Variants in ATAD2 observed in about 807,000 individuals in gnomAD.
The protein encoded by ATAD2 is ATPase family AAA domain-containing protein 2.
In ATAD2, 62 loss-of-function variants were observed where a neutral mutation model predicts 168.9. The ratio of observed to expected loss-of-function variants is 0.37; its 90% CI spans 0.30 to 0.45. The LOEUF is 0.45. Ranked by LOEUF, ATAD2 falls within the 20% of genes least tolerant of loss-of-function variation. The pLI is 1.00. For missense variants in ATAD2, 1,419 were observed against 1,667.8 expected (o/e 0.85, Z 2.60); for synonymous variants, 613 against 571.6 (o/e 1.07, Z -1.03).
chr8:123,322,119 C>A (rs1346264926), intron 27 of ATAD2, among the ~76,000 whole-genome samples: 1 of 151,714 alleles, frequency 6.6e-6, no homozygotes, highest in Non-Finnish European at 1.5e-5. Flanking sequence ...ACCCGAGTAG[C>A]TAGGACTATG....
At chr8:123,359,169 A>C (rs932972703) in intron 11 of ATAD2, 52 bp downstream of exon 11, 1 of 1,355,642 alleles carries the variant, frequency 7.4e-7, no homozygotes, top group African/African-American at 1.5e-5. Context: ...GAACTACAAG[A>C]AGCAAGAATA....
chr8:123,342,727 T>C (rs1329854233), intron 19 of ATAD2, among the ~76,000 whole-genome samples: 3 of 152,222 alleles, frequency 2.0e-5, no homozygotes, highest in African/African-American at 7.2e-5. Context: ...TTGGAGGTTC[T>C]GTAATCAATT....
At chr8:123,367,208 A>G (rs1829006383) in intron 8 of ATAD2, among the ~76,000 whole-genome samples, 1 of 151,964 alleles carries the variant, frequency 6.6e-6, no homozygotes, top group African/African-American at 2.4e-5. Flanking sequence ...GAGGTCAGGA[A>G]TTTGAGACCA....
intron 1 of ATAD2, among the ~76,000 whole-genome samples, chr8:123,383,457 A>C (rs1829552170): frequency 6.6e-6 from 1 of 152,218 alleles, no homozygotes; most frequent in Admixed American, 6.5e-5. Flanking sequence ...GCCAAAGAAA[A>C]ACACTGGTGT....
intron 1 of ATAD2, among the ~76,000 whole-genome samples, chr8:123,410,974 C>T (rs994647380): frequency 1.3e-5 from 2 of 152,210 alleles, no homozygotes; most frequent in Non-Finnish European, 2.9e-5. Context: ...GGTTCTCTTC[C>T]GTGACCCACG....
In ATAD2 at chr8:123,321,066, T is replaced by C. The variant is rs1827454267; in HGVS notation, c.*68A>G. The C allele has an allele frequency of 1.3e-5, 18 of 1,366,748 alleles. No individual in the cohort carries two copies. Among genetic ancestry groups the C allele is most frequent in the Non-Finnish European group, 1.9e-5 (18 of 970,210 alleles). 84.7% of individuals were successfully genotyped at this position (1,366,748 alleles called of 1,614,324 possible). A position where few individuals can be genotyped will look rare whatever the true frequency, so the allele number is the denominator to read the frequency against. On this transcript the variant is annotated 3_prime_UTR_variant, in exon 28 of 28. Transcript: ENST00000287394. The stretch of plus-strand genomic sequence containing the variant: ...ATGCAGGGTTTCATACTACATCAAT[T>C]AGGCGGACATGACAAAAATGACTTA...
intron 12 of ATAD2, among the ~76,000 whole-genome samples, chr8:123,357,351 A>T (rs1225440768): frequency 6.6e-6 from 1 of 152,214 alleles, no homozygotes; most frequent in African/African-American, 2.4e-5. Flanking sequence ...CAAACAACTA[A>T]GATCCAATTA....
intron 1 of ATAD2, among the ~76,000 whole-genome samples, chr8:123,407,607 C>A (rs148673883): frequency 0.026 from 3,975 of 152,126 alleles, 186 homozygotes; most frequent in African/African-American, 0.091. Context: ...GCCTGTAGTC[C>A]CAGCACTTTG....
Position 123,336,500 on chromosome 8 carries a change from T to G in ATAD2, c.3084A>C (p.Pro1028=), listed in dbSNP as rs748481878. ...VPDYVTVIKQ[P]MDLSSVISKI... ...TACTGATTACAGATGAAAGGTCCAT[T>G]GGTTGCTTTATTACAGTGACATAAT... is the stretch of plus-strand genomic sequence containing the variant. Residue 1028 remains proline, a synonymous_variant, in exon 22 of 28, where the codon CCA becomes CCC. Transcript: ENST00000287394. The G allele has an allele frequency of 6.4e-7, 1 of 1,550,638 alleles. No homozygotes were observed. The highest frequency in any genetic ancestry group is 1.3e-5 in the South Asian group (1 of 79,054).
Position 123,370,034 on chromosome 8 carries a change from A to C in ATAD2, c.728-10T>G. The C allele has an allele frequency of 6.3e-7, 1 of 1,598,874 alleles. No homozygotes were observed. The highest frequency in any genetic ancestry group is 1.1e-5 in the South Asian group (1 of 90,382). ...CCCTCTTCAGATGACTCTACAATTA[A>C]GAGATCCTTACTTCCAGAAAGATAC... On this transcript the variant is annotated splice_polypyrimidine_tract_variant and intron_variant, in intron 6 of 27. Transcript: ENST00000287394.
chr8:123,331,541 TTTA>T (rs1827774055), intron 24 of ATAD2, among the ~76,000 whole-genome samples: 1 of 152,316 alleles, frequency 6.6e-6, no homozygotes, highest in South Asian at 2.1e-4. Flanking sequence ...TGCCTGGCTC[TTTA>T]TTATTATTGT....
At chr8:123,345,460 G>A (rs1828206199) in intron 18 of ATAD2, among the ~76,000 whole-genome samples, 1 of 146,940 alleles carries the variant, frequency 6.8e-6, no homozygotes, top group Admixed American at 6.9e-5. Flanking sequence ...CCAGGAGTTT[G>A]AGACCATCCT....
At position 123,402,072 on chromosome 8, in the gene ATAD2, TC is replaced by T; in HGVS notation, c.-2281-898del. On this transcript the variant is annotated intron_variant, in intron 1 of 28. Coordinates refer to the ATAD2 transcript ENST00000521903. The surrounding 1 kb of genome is among the most constrained non-coding windows in gnomAD (Gnocchi z 4.8). ...ATGTCGGCCCAGATTGAGGGTGGCG[TC>T]CATGGCCTGCACTCTTAGGAGAAGC... 7.0e-7 allele frequency: 1 copy of T among 1,423,194 alleles called. No individual in the cohort carries two copies. The highest frequency in any genetic ancestry group is 9.9e-7 in the Non-Finnish European group (1 of 1,013,564). 88.2% of individuals were successfully genotyped at this position (1,423,194 alleles called of 1,614,324 possible).
chr8:123,337,746 C>T lies in ATAD2; in HGVS notation c.2930G>A (p.Arg977Gln), dbSNP rs759693662. 2.2e-5 allele frequency: 36 copies of T among 1,613,480 alleles called. No homozygotes were observed. The East Asian group carries it at 5.8e-4, about 26-fold the overall frequency. ...PRSLTAEEVK[R>Q]LEEQEEDTFR... is the part of the protein sequence containing the mutation. ...TGTATCTTCTTCTTGTTCTTCTAGT[C>T]GTTTCACTTCTTCTGCTGTCAGTGA... Residue 977 changes from arginine (R) to glutamine (Q), a missense_variant, in exon 21 of 28, where the codon CGA (arginine) becomes CAA (glutamine). Coordinates refer to ENST00000287394, the MANE Select transcript of ATAD2 (RefSeq NM_014109.4).
In ATAD2 at chr8:123,362,735, AAAG is replaced by A. The variant is rs529397055; in HGVS notation, c.1050-1092_1050-1090del. On this transcript the variant is annotated intron_variant, in intron 8 of 27. Coordinates refer to ENST00000287394, the MANE Select transcript of ATAD2 (RefSeq NM_014109.4). Reference sequence around the variant, plus strand: ...CGGCCAAAAATATCAAACAATTTTAAAAGAAGGACATGAGATTTTATGTAAACA... The same window carrying A: ...CGGCCAAAAATATCAAACAATTTTAAAAGGACATGAGATTTTATGTAAACA... 7.2e-5 allele frequency among the ~76,000 whole-genome samples: 11 copies of A among 152,216 alleles called. No homozygotes were observed. The East Asian group carries it at 1.5e-3, about 21-fold the overall frequency.
At chr8:123,365,658 T>C (rs1199341982) in intron 8 of ATAD2, among the ~76,000 whole-genome samples, 2 of 151,708 alleles carry the variant, frequency 1.3e-5, no homozygotes, top group African/African-American at 4.8e-5. Flanking sequence ...AACAGAAACA[T>C]AAAGTGGGGA....
At chr8:123,321,967 G>T (rs1827480684) in intron 27 of ATAD2, among the ~76,000 whole-genome samples, 1 of 150,914 alleles carries the variant, frequency 6.6e-6, no homozygotes, top group African/African-American at 2.5e-5. Flanking sequence ...CTACTATAAA[G>T]GAAGATTAAG....
chr8:123,383,105 A>G, intron 1 of ATAD2, among the ~76,000 whole-genome samples: 1 of 152,224 alleles, frequency 6.6e-6, no homozygotes, highest in East Asian at 1.9e-4. Context: ...ACAGAAAACC[A>G]AACACTGCAT....
intron 1 of ATAD2, among the ~76,000 whole-genome samples, chr8:123,403,767 C>T (rs1813036603): frequency 6.6e-6 from 1 of 152,120 alleles, no homozygotes; most frequent in Non-Finnish European, 1.5e-5. Context: ...AAGATGGCGG[C>T]CTGGACTAGT....
Sources: gnomAD v4.1 joint callset for allele counts (sites outside exome capture counted in the v4.1 genomes callset) on GRCh38, gnomAD v4.1.1 for gene constraint, Gnocchi (gnomAD v3.1) non-coding constraint, MANE v1.5 for transcripts, NCBI Gene and HGNC (gene_info 2026-07-23, HGNC 2026-07-21) for gene names.